PKIA: variants seen among roughly 807,000 people sequenced by gnomAD.
PKIA encodes PKI-alpha.
Under a neutral mutation model 7.6 loss-of-function variants are expected in PKIA, and 4 were observed. That is an observed-to-expected ratio of 0.52 (90% confidence interval 0.26 to 1.20). The LOEUF is 1.20. Ranked by LOEUF, PKIA falls within the 50% of genes most tolerant of loss-of-function variation. The pLI, the probability that PKIA is intolerant of heterozygous loss-of-function variation, is 0.13. For missense variants in PKIA, 73 were observed against 86.2 expected (o/e 0.85, Z 0.61); for synonymous variants, 21 against 30.7 (o/e 0.68, Z 1.04).
rs1298117578 is a variant in PKIA at position 78,576,561 on chromosome 8, G to GT, written c.-28+3629dup. ...CTAACGTTGTATCCATTAGCCACGTGTTTTTTTGAAAAAATAGATGTAAAT... is the reference window on the plus strand; with the variant it reads ...CTAACGTTGTATCCATTAGCCACGTGTTTTTTTTGAAAAAATAGATGTAAAT... On this transcript the variant is annotated intron_variant, in intron 2 of 3. Coordinates refer to ENST00000396418, the MANE Select transcript of PKIA (RefSeq NM_006823.4). Among the ~76,000 whole-genome samples, 12 of 151,862 alleles carry GT rather than the reference G, an allele frequency of 7.9e-5. 1 individual carries two copies. Among genetic ancestry groups the GT allele is most frequent in the East Asian group, 1.9e-4 (1 of 5,162 alleles).
chr8:78,542,507 C>T (rs139586545), intron 1 of PKIA, among the ~76,000 whole-genome samples: 20 of 152,216 alleles, frequency 1.3e-4, no homozygotes, highest in African/African-American at 4.3e-4. Context: ...ATATTGTAAA[C>T]GTCAGAAATG....
At chr8:78,518,201 G>T (rs939160647) in intron 1 of PKIA, among the ~76,000 whole-genome samples, 3 of 152,136 alleles carry the variant, frequency 2.0e-5, no homozygotes, top group African/African-American at 7.2e-5. Context: ...GGGTGTAGGG[G>T]GTGGGCAAAG....
intron 1 of PKIA, among the ~76,000 whole-genome samples, chr8:78,526,528 T>C (rs1354590993): frequency 6.6e-6 from 1 of 152,114 alleles, no homozygotes; most frequent in South Asian, 2.1e-4. Flanking sequence ...CCTATTTGGC[T>C]AACTCAAATA....
chr8:78,542,248 T>A (rs1030679313), intron 1 of PKIA, among the ~76,000 whole-genome samples: 4 of 152,128 alleles, frequency 2.6e-5, no homozygotes, highest in African/African-American at 9.7e-5. Flanking sequence ...ACTGCCCTAG[T>A]TTGAACTTAA....
chr8:78,530,497 A>G (rs1400367369), intron 1 of PKIA, among the ~76,000 whole-genome samples: 2 of 152,062 alleles, frequency 1.3e-5, no homozygotes, highest in African/African-American at 4.8e-5. Flanking sequence ...TGAACATGTT[A>G]AACAGGTTCT....
intron 1 of PKIA, among the ~76,000 whole-genome samples, chr8:78,537,643 C>T (rs898607440): frequency 7.3e-6 from 1 of 136,606 alleles, no homozygotes; most frequent in African/African-American, 2.7e-5. Context: ...AGGGTCTTGG[C>T]TTTTTATTAT....
intron 2 of PKIA, among the ~76,000 whole-genome samples, chr8:78,576,619 AC>A (rs1490820497): frequency 6.6e-6 from 1 of 152,006 alleles, no homozygotes; most frequent in Non-Finnish European, 1.5e-5. Flanking sequence ...AAATTTCAGC[AC>A]CTGGGTCAAA....
At position 78,583,807 on chromosome 8, in the gene PKIA, C is replaced by T. The variant is rs191499226; in HGVS notation, c.-28+10868C>T. The stretch of plus-strand genomic sequence containing the variant: ...CCATTTATGCCTAGTGTTCCATTAT[C>T]GGAACGGTAAGTTTGTGGGAGTCAT... On this transcript the variant is annotated intron_variant, in intron 2 of 3. Coordinates refer to ENST00000396418, the MANE Select transcript of PKIA (RefSeq NM_006823.4). Among the ~76,000 whole-genome samples the T allele has an allele frequency of 2.0e-4, 31 of 152,110 alleles. No homozygotes were observed. The East Asian group carries it at 3.9e-3, about 19-fold the overall frequency.
chr8:78,523,846 A>G (rs1809463482), intron 1 of PKIA, among the ~76,000 whole-genome samples: 1 of 147,432 alleles, frequency 6.8e-6, no homozygotes, highest in Non-Finnish European at 1.5e-5. Flanking sequence ...TATATTAACA[A>G]TTTAGGAAAG....
chr8:78,567,225 A>G (rs1807435978), intron 1 of PKIA, among the ~76,000 whole-genome samples: 1 of 152,144 alleles, frequency 6.6e-6, no homozygotes, highest in African/African-American at 2.4e-5. Flanking sequence ...AACAAATATT[A>G]ATATATTATC....
intron 1 of PKIA, among the ~76,000 whole-genome samples, chr8:78,540,505 C>T (rs1325563283): frequency 2.0e-5 from 3 of 152,000 alleles, no homozygotes; most frequent in South Asian, 4.1e-4. Context: ...GAGGCTGTGA[C>T]ATACTGGGAA....
intron 1 of PKIA, among the ~76,000 whole-genome samples, chr8:78,550,693 CAT>C (rs1244987741): frequency 6.6e-6 from 1 of 151,880 alleles, no homozygotes; most frequent in Non-Finnish European, 1.5e-5. Context: ...TTTGGGAGAA[CAT>C]GTGGTATTTG....
intron 2 of PKIA, among the ~76,000 whole-genome samples, chr8:78,582,173 G>GTTTTTTT (rs112095411): frequency 7.7e-6 from 1 of 129,704 alleles, no homozygotes; most frequent in African/African-American, 2.8e-5. Context: ...AATATTTCGT[G>GTTTTTTT]TTTTTTTTTT....
chr8:78,598,158 T>C (rs867635263), intron 2 of PKIA, among the ~76,000 whole-genome samples, 200 bp from the exon 3 acceptor site: 2 of 149,500 alleles, frequency 1.3e-5, no homozygotes, highest in African/African-American at 4.9e-5. Flanking sequence ...CATTTAAATA[T>C]GTAAAAATGT....
intron 2 of PKIA, among the ~76,000 whole-genome samples, chr8:78,596,546 C>G (rs1808230202): frequency 6.6e-6 from 1 of 152,040 alleles, no homozygotes; most frequent in African/African-American, 2.4e-5. Context: ...GATTTAAGCT[C>G]CTTTTCAGTT....
chr8:78,570,904 A>C (rs1807531682), intron 1 of PKIA, among the ~76,000 whole-genome samples: 1 of 152,138 alleles, frequency 6.6e-6, no homozygotes, highest in Non-Finnish European at 1.5e-5. Flanking sequence ...CTATAGGAAG[A>C]CCTGCTAATA....
chr8:78,597,325 C>T (rs1808248650), intron 2 of PKIA, among the ~76,000 whole-genome samples: 1 of 152,020 alleles, frequency 6.6e-6, no homozygotes, highest in South Asian at 2.1e-4. Flanking sequence ...GTTTTTGTAC[C>T]TTTTGACATT....
chr8:78,578,592 T>C (rs74305238), intron 2 of PKIA, among the ~76,000 whole-genome samples: 12,658 of 152,132 alleles, frequency 0.083, 638 homozygotes, highest in Middle Eastern at 0.17. Flanking sequence ...TTTTAAGTTA[T>C]TAATACAACA....
chr8:78,552,348 G>GT (rs1807005831), intron 1 of PKIA, among the ~76,000 whole-genome samples: 1 of 145,470 alleles, frequency 6.9e-6, no homozygotes, highest in Non-Finnish European at 1.5e-5. Flanking sequence ...AAAAAAAAAG[G>GT]AAGTTGCATA....
Sources: allele counts gnomAD v4.1 joint callset (sites outside exome capture counted in the v4.1 genomes callset), GRCh38; gene constraint gnomAD v4.1.1; transcripts MANE v1.5; gene names NCBI Gene and HGNC (gene_info 2026-07-23, HGNC 2026-07-21).